Variants in SORBS2 observed in about 807,000 individuals in gnomAD.
SORBS2 encodes sorbin and SH3 domain containing 2.
Under a neutral mutation model 97.7 loss-of-function variants are expected in SORBS2, and 46 were observed. The ratio of observed to expected loss-of-function variants is 0.47; its 90% CI spans 0.37 to 0.60. SORBS2 has a LOEUF of 0.60. Among genes scored for constraint, SORBS2 ranks in the 20% least tolerant of loss-of-function variants. The probability of loss-of-function intolerance (pLI) is 0.00; values close to 1 mark genes in which losing one functional copy is unlikely to be tolerated. For missense variants in SORBS2, 1,316 were observed against 1,282.3 expected, an observed-to-expected ratio of 1.03 and a Z score of -0.40; for synonymous variants, 476 against 473.4, an observed-to-expected ratio of 1.01 and a Z score of -0.07.
chr4:185,647,084 T>C (rs374919550), intron 3 of SORBS2, among the ~76,000 whole-genome samples: 25 of 152,208 alleles, frequency 1.6e-4, no homozygotes. Flanking sequence ...CACCACTTTG[T>C]GACCTTTGGG....
chr4:185,815,389 G>C (rs969092096), intron 1 of SORBS2, among the ~76,000 whole-genome samples: 3 of 151,818 alleles, frequency 2.0e-5, no homozygotes, highest in African/African-American at 7.3e-5. Flanking sequence ...TATTATTAAA[G>C]GTTATTAAGA....
At chr4:185,864,983 C>A (rs552524210) in intron 1 of SORBS2, among the ~76,000 whole-genome samples, 10 of 151,558 alleles carry the variant, frequency 6.6e-5, no homozygotes, top group Non-Finnish European at 1.3e-4. Flanking sequence ...GAAGGATGAA[C>A]GGGAGGGGCG....
chr4:185,841,639 G>T (rs923423318), intron 1 of SORBS2, among the ~76,000 whole-genome samples: 7 of 152,202 alleles, frequency 4.6e-5, no homozygotes, highest in African/African-American at 1.4e-4. Flanking sequence ...GATGGCAAAT[G>T]AGGTTTTGCC....
At chr4:185,601,314 G>A (rs906882243) in intron 12 of SORBS2, among the ~76,000 whole-genome samples, 3 of 152,172 alleles carry the variant, frequency 2.0e-5, no homozygotes, top group African/African-American at 7.2e-5. Flanking sequence ...CTGACTTGTA[G>A]CTGGATGTAC....
intron 1 of SORBS2, among the ~76,000 whole-genome samples, chr4:185,802,637 C>T (rs2099136159): frequency 6.6e-6 from 1 of 152,204 alleles, no homozygotes; most frequent in South Asian, 2.1e-4. Context: ...TCATTGCCTG[C>T]TCAAGCCCAT....
chr4:185,830,458 A>G (rs1469170654), intron 1 of SORBS2, among the ~76,000 whole-genome samples: 1 of 152,214 alleles, frequency 6.6e-6, no homozygotes, highest in Non-Finnish European at 1.5e-5. Flanking sequence ...TGGTTATGGA[A>G]GGAAGCAGCT....
chr4:185,914,510 C>A (rs1176272468), intron 1 of SORBS2, among the ~76,000 whole-genome samples: 2 of 152,192 alleles, frequency 1.3e-5, no homozygotes, highest in African/African-American at 4.8e-5. Context: ...TGTTATTCAC[C>A]ATTGGCTTAG....
chr4:185,765,225 T>A (rs2098927440), intron 2 of SORBS2, among the ~76,000 whole-genome samples: 1 of 152,186 alleles, frequency 6.6e-6, no homozygotes, highest in Non-Finnish European at 1.5e-5. Flanking sequence ...TAAAAGTAGT[T>A]ATCTATGGTC....
intron 12 of SORBS2, among the ~76,000 whole-genome samples, chr4:185,608,531 A>G (rs545047441): frequency 6.6e-6 from 1 of 152,348 alleles, no homozygotes; most frequent in East Asian, 1.9e-4. Flanking sequence ...CTACATACGT[A>G]GTATTACTGA....
intron 4 of SORBS2, among the ~76,000 whole-genome samples, chr4:185,667,103 G>A (rs2097618664): frequency 6.6e-6 from 1 of 152,180 alleles, no homozygotes; most frequent in South Asian, 2.1e-4. Context: ...TTCAACGTAA[G>A]TGAATAAAAC....
Position 185,623,936 on chromosome 4 carries a change from C to A in SORBS2, c.1193G>T (p.Ser398Ile). The change falls in exon 7 of 15, where the codon AGC becomes ATC. Residue 398 changes from serine to isoleucine, a missense_variant. By Grantham distance (142) the Ser-to-Ile change is moderately radical. Transcript: ENST00000418609. The surrounding 1 kb of genome is among the most constrained non-coding windows in gnomAD (Gnocchi z 6.4). ...GGGCACCTCCTCCGTGGAGCACTGG[C>A]TCCAGGCGCGCAGCAGGTCCTTGTG... 1 of 1,614,234 alleles carries A rather than the reference C, an allele frequency of 6.2e-7. No individual in the cohort carries two copies. Among genetic ancestry groups the A allele is most frequent in the Non-Finnish European group, 8.5e-7 (1 of 1,180,044 alleles).
At chr4:185,781,225 C>T (rs1333301572) in intron 1 of SORBS2, among the ~76,000 whole-genome samples, 2 of 152,216 alleles carry the variant, frequency 1.3e-5, no homozygotes, top group African/African-American at 2.4e-5. Context: ...GCATGAGCCA[C>T]GGCGCCCAGC....
intron 1 of SORBS2, among the ~76,000 whole-genome samples, chr4:185,884,642 G>C (rs913552546): frequency 1.3e-5 from 2 of 152,138 alleles, no homozygotes; most frequent in East Asian, 3.8e-4. Flanking sequence ...TGAGCAGGCA[G>C]TTGACCACTG....
At chr4:185,879,313 TC>T (rs1024377839) in intron 1 of SORBS2, among the ~76,000 whole-genome samples, 3 of 151,988 alleles carry the variant, frequency 2.0e-5, no homozygotes, top group African/African-American at 7.3e-5. Flanking sequence ...AATGATGGTT[TC>T]CAGCTTCATC....
At chr4:185,726,780 G>T (rs2098557116) in intron 2 of SORBS2, among the ~76,000 whole-genome samples, 2 of 151,982 alleles carry the variant, frequency 1.3e-5, no homozygotes, top group South Asian at 4.2e-4. Flanking sequence ...ACAGATGAAG[G>T]AAAAATAGAC....
intron 1 of SORBS2, among the ~76,000 whole-genome samples, chr4:185,922,356 G>A (rs2099261303): frequency 6.6e-6 from 1 of 152,180 alleles, no homozygotes; most frequent in African/African-American, 2.4e-5. Flanking sequence ...ACACTGGGCA[G>A]AGCAGCCCTG....
chr4:185,839,273 G>A (rs1345874094), intron 1 of SORBS2, among the ~76,000 whole-genome samples: 1 of 152,226 alleles, frequency 6.6e-6, no homozygotes, highest in Non-Finnish European at 1.5e-5. Flanking sequence ...CGCTGGCTTG[G>A]AGCAGAGAAA....
intron 1 of SORBS2, among the ~76,000 whole-genome samples, chr4:185,656,446 T>TG (rs1392485599): frequency 2.0e-5 from 3 of 152,074 alleles, no homozygotes; most frequent in African/African-American, 4.8e-5. Flanking sequence ...ACGGCTTTTT[T>TG]TTTTTTTTTC....
chr4:185,732,375 A>G (rs576078026), intron 2 of SORBS2, among the ~76,000 whole-genome samples: 5 of 152,338 alleles, frequency 3.3e-5, no homozygotes, highest in South Asian at 2.1e-4. Flanking sequence ...AGTACTTAGG[A>G]AAAAGTAAGT....
Sources: gnomAD v4.1 joint callset for allele counts (sites outside exome capture counted in the v4.1 genomes callset) on GRCh38, gnomAD v4.1.1 for gene constraint, Gnocchi (gnomAD v3.1) non-coding constraint, MANE v1.5 for transcripts, NCBI Gene and HGNC (gene_info 2026-07-23, HGNC 2026-07-21) for gene names.